Variants in PCDHGB7 observed in about 807,000 individuals in gnomAD.
The protein encoded by PCDHGB7 is protocadherin gamma subfamily B, 7.
PCDHGB7 carries 37 observed loss-of-function variants against 61.4 expected under a neutral mutation model. The ratio of observed to expected loss-of-function variants is 0.60; its 90% CI spans 0.46 to 0.79. The LOEUF (loss-of-function observed/expected upper bound fraction) is 0.79, where lower values mean the gene tolerates loss of function less well. PCDHGB7 is among the 30% of genes least tolerant of loss of function. The pLI is 0.00. For synonymous variants in PCDHGB7, 464 were observed against 503.5 expected (o/e 0.92, Z 1.05); for missense variants, 1,166 against 1,202.5 (o/e 0.97, Z 0.45).
At chr5:141,420,392 G>A (rs1480059498) in intron 1 of PCDHGB7, 118 bp downstream of exon 1, 2 of 1,268,940 alleles carry the variant, frequency 1.6e-6, no homozygotes, top group East Asian at 5.5e-5. Context: ...CAAAATATAG[G>A]TCAAATTTAT....
chr5:141,482,363 G>C (rs2099556985), intron 1 of PCDHGB7, among the ~76,000 whole-genome samples: 1 of 152,086 alleles, frequency 6.6e-6, no homozygotes, highest in African/African-American at 2.4e-5. Flanking sequence ...AGAGTGAAAA[G>C]TAATGCATAT....
chr5:141,488,450 C>T (rs2154581002), intron 1 of PCDHGB7, among the ~76,000 whole-genome samples: 1 of 152,314 alleles, frequency 6.6e-6, no homozygotes, highest in East Asian at 1.9e-4. Context: ...TCCTGGGTGA[C>T]CTGATTCAGC....
chr5:141,481,502 T>G (rs1425241526), intron 1 of PCDHGB7, among the ~76,000 whole-genome samples: 1 of 152,232 alleles, frequency 6.6e-6, no homozygotes, highest in Non-Finnish European at 1.5e-5. Context: ...TTGCATGGTA[T>G]GTGAATTATG....
Position 141,489,409 on chromosome 5 carries a change from A to T in PCDHGB7, c.2416-5398A>T. On this transcript the variant is annotated intron_variant, in intron 1 of 3. Transcript: ENST00000398594. The surrounding 1 kb of genome is among the most constrained non-coding windows in gnomAD (Gnocchi z 4.5). ...TGCTCAGGATCTGGGCTTAAAGATG[A>T]CAGATCTGTTGAGCCGGCGGCTGCA... 1.9e-6 allele frequency: 3 copies of T among 1,614,114 alleles called. No homozygotes were observed. The highest frequency in any genetic ancestry group is 2.5e-6 in the Non-Finnish European group (3 of 1,180,004).
rs145569377 is a variant in PCDHGB7 at position 141,455,860 on chromosome 5, ATTATTTATTTATTTAT to A, written c.2415+35625_2415+35640del. Among the ~76,000 whole-genome samples, 551 of 139,848 alleles carry A rather than the reference ATTATTTATTTATTTAT, an allele frequency of 3.9e-3. 2 individuals carry two copies. The highest frequency in any genetic ancestry group is 9.7e-3 in the South Asian group (42 of 4,344). The allele number at this position is 139,848 out of a possible 152,430, so 91.7% of individuals were successfully genotyped here. ...CTATCTGCATAAAATAATTTCTTTTATTATTTATTTATTTATTTATTTATTTATTTATTTATTTATT... is the reference window on the plus strand; with the variant it reads ...CTATCTGCATAAAATAATTTCTTTTATTATTTATTTATTTATTTATTTATT... On this transcript the variant is annotated intron_variant, in intron 1 of 3. Transcript: ENST00000398594.
chr5:141,459,548 C>G (rs980305784), intron 1 of PCDHGB7, among the ~76,000 whole-genome samples: 2 of 152,036 alleles, frequency 1.3e-5, no homozygotes, highest in African/African-American at 4.8e-5. Flanking sequence ...TTTTATTTCT[C>G]TTGGATAAAT....
chr5:141,500,365 C>T (rs888624200), intron 2 of PCDHGB7, among the ~76,000 whole-genome samples: 5 of 151,956 alleles, frequency 3.3e-5, no homozygotes, highest in South Asian at 2.1e-4. Flanking sequence ...CCCACTACCA[C>T]GCCCGGCTAA....
At chr5:141,469,079 C>T (rs1169035651) in intron 1 of PCDHGB7, among the ~76,000 whole-genome samples, 1 of 151,492 alleles carries the variant, frequency 6.6e-6, no homozygotes, top group Non-Finnish European at 1.5e-5. Context: ...GAGTTTGAGA[C>T]CATTCTAGGC....
intron 1 of PCDHGB7, among the ~76,000 whole-genome samples, chr5:141,452,648 GCTCCATCCACTGCA>G (rs2098746292): frequency 6.6e-6 from 1 of 151,930 alleles, no homozygotes; most frequent in African/African-American, 2.4e-5. Flanking sequence ...TTACTCATTT[GCTCCATCCACTGCA>G]CTCCAGCCTA....
In PCDHGB7 at chr5:141,487,161, T is replaced by G; in HGVS notation, c.2416-7646T>G. ...CTCTCTACCTCTGTTACTCTCTTAGTGTCCTTAGAGGAAGACACTCATCCA... is the reference window on the plus strand; with the variant it reads ...CTCTCTACCTCTGTTACTCTCTTAGGGTCCTTAGAGGAAGACACTCATCCA... On this transcript the variant is annotated intron_variant, in intron 1 of 3. Transcript: ENST00000398594. The surrounding 1 kb of genome is among the most constrained non-coding windows in gnomAD (Gnocchi z 5.0). The G allele has an allele frequency of 6.2e-7, 1 of 1,613,528 alleles. No individual in the cohort carries two copies. The highest frequency in any genetic ancestry group is 1.1e-5 in the South Asian group (1 of 91,072).
intron 1 of PCDHGB7, among the ~76,000 whole-genome samples, chr5:141,492,435 C>T (rs191116850): frequency 8.5e-5 from 13 of 152,348 alleles, no homozygotes; most frequent in Admixed American, 8.5e-4. Context: ...CTCAGGAGTA[C>T]TCGTAGCTGA....
Position 141,450,631 on chromosome 5 carries a change from T to C in PCDHGB7, c.2415+30357T>C, listed in dbSNP as rs554043866. 6.1e-5 allele frequency among the ~76,000 whole-genome samples: 9 copies of C among 148,320 alleles called. No homozygotes were observed. In the East Asian group the frequency reaches 1.9e-3, roughly 31 times the overall value. Reference sequence around the variant, plus strand: ...CCTCCTGAGTAGCTGGGATTACAGATGCCTGCCACCATGCCTGGCTAATTT... The same window carrying C: ...CCTCCTGAGTAGCTGGGATTACAGACGCCTGCCACCATGCCTGGCTAATTT... On this transcript the variant is annotated intron_variant, in intron 1 of 3. Transcript: ENST00000398594.
intron 1 of PCDHGB7, chr5:141,427,194 T>G (rs759512205): frequency 6.6e-6 from 3 of 456,512 alleles, no homozygotes; most frequent in Non-Finnish European, 1.3e-5. Context: ...ATCCAAAGAC[T>G]TAATAGACTT....
Position 141,476,656 on chromosome 5 carries a change from T to G in PCDHGB7, c.2416-18151T>G, listed in dbSNP as rs190269177. On this transcript the variant is annotated intron_variant, in intron 1 of 3. Transcript: ENST00000398594. The surrounding 1 kb of genome is among the most constrained non-coding windows in gnomAD (Gnocchi z 7.6). ...ATGAGCTGAGCCGAAATGAATACTTTGCGCTTCGCGTGCAGACGCGGGAGG... is the reference window on the plus strand; with the variant it reads ...ATGAGCTGAGCCGAAATGAATACTTGGCGCTTCGCGTGCAGACGCGGGAGG... The G allele has an allele frequency of 1.2e-6, 2 of 1,614,210 alleles. No individual in the cohort carries two copies. The highest frequency in any genetic ancestry group is 1.7e-6 in the Non-Finnish European group (2 of 1,180,044).
At chr5:141,467,134 C>T (rs905270517) in intron 1 of PCDHGB7, among the ~76,000 whole-genome samples, 19 of 151,750 alleles carry the variant, frequency 1.3e-4, no homozygotes, top group African/African-American at 4.6e-4. Flanking sequence ...CTCACTGCAA[C>T]CTCTGCCTCC....
At chr5:141,497,553 T>C (rs2099777684) in intron 2 of PCDHGB7, among the ~76,000 whole-genome samples, 1 of 151,326 alleles carries the variant, frequency 6.6e-6, no homozygotes, top group South Asian at 2.1e-4. Context: ...TTTTTTTTTT[T>C]TTTTTAGACA....
rs1255326344 is a variant in PCDHGB7, at chr5:141,431,636, A to G, written c.2415+11362A>G. 6.2e-7 allele frequency: 1 copy of G among 1,614,254 alleles called. No homozygotes were observed. ...GGACGACAAGGCGGCCCAAGTTTTC[A>G]AACTAGATTGTAATTCAGGGACAAT... On this transcript the variant is annotated intron_variant, in intron 1 of 3. Transcript: ENST00000398594. This position sits in a 1 kb window ranked among gnomAD's most constrained non-coding sequence, Gnocchi z 4.8.
intron 1 of PCDHGB7, among the ~76,000 whole-genome samples, chr5:141,426,115 G>A (rs574477590): frequency 4.6e-5 from 7 of 152,364 alleles, no homozygotes; most frequent in South Asian, 2.1e-4. Flanking sequence ...GAAGCAAGTC[G>A]GAGAGTGGCC....
chr5:141,447,942 T>C (rs1476141059), intron 1 of PCDHGB7, among the ~76,000 whole-genome samples: 2 of 151,740 alleles, frequency 1.3e-5, no homozygotes, highest in African/African-American at 4.8e-5. Context: ...AAAAATTAGC[T>C]GGGCATGGTG....
Sources: gnomAD v4.1 joint callset for allele counts (sites outside exome capture counted in the v4.1 genomes callset) on GRCh38, gnomAD v4.1.1 for gene constraint, Gnocchi (gnomAD v3.1) non-coding constraint, MANE v1.5 for transcripts, NCBI Gene and HGNC (gene_info 2026-07-23, HGNC 2026-07-21) for gene names.